VMP1: variants seen among roughly 807,000 people sequenced by gnomAD.
VMP1 encodes the protein vacuole membrane protein 1, also known as ectopic P-granules autophagy protein 3 homolog.
In VMP1, 11 loss-of-function variants were observed where a neutral mutation model predicts 56.0. That is an observed-to-expected ratio of 0.20 (90% CI 0.12 to 0.32). The LOEUF (loss-of-function observed/expected upper bound fraction) is 0.32, where lower values mean the gene tolerates loss of function less well. VMP1 is among the 10% of genes least tolerant of loss of function. VMP1 has a pLI of 1.00. For missense variants in VMP1, 296 were observed against 490.3 expected (o/e 0.60, Z 3.74); for synonymous variants, 149 against 165.0 (o/e 0.90, Z 0.74).
At chr17:59,795,935 C>A (rs1327356936) in intron 7 of VMP1, among the ~76,000 whole-genome samples, 2 of 152,028 alleles carry the variant, frequency 1.3e-5, no homozygotes, top group Non-Finnish European at 2.9e-5. Context: ...GAACAAACTG[C>A]GATTCAGAGA....
intron 10 of VMP1, among the ~76,000 whole-genome samples, chr17:59,830,427 C>T (rs1325445806): frequency 6.6e-6 from 1 of 152,076 alleles, no homozygotes; most frequent in Non-Finnish European, 1.5e-5. Context: ...CATTTATAAG[C>T]TTTCAGGGAT....
At chr17:59,832,048 G>A (rs2038824994) in intron 10 of VMP1, among the ~76,000 whole-genome samples, 1 of 151,620 alleles carries the variant, frequency 6.6e-6, no homozygotes, top group African/African-American at 2.4e-5. Context: ...ATGCCTGGTG[G>A]AAAAATTTTT....
At chr17:59,747,297 C>T (rs532381850) in intron 5 of VMP1, among the ~76,000 whole-genome samples, 2 of 152,272 alleles carry the variant, frequency 1.3e-5, no homozygotes, top group East Asian at 3.8e-4. Flanking sequence ...CCAGCTTATG[C>T]CTGTAATCCC....
At chr17:59,821,519 G>T (rs1215577881) in intron 10 of VMP1, among the ~76,000 whole-genome samples, 1 of 149,338 alleles carries the variant, frequency 6.7e-6, no homozygotes, top group Admixed American at 6.8e-5. Context: ...CTGTCTACAG[G>T]GATTACCTCA....
chr17:59,735,998 C>G (rs1466218266), intron 3 of VMP1, among the ~76,000 whole-genome samples: 1 of 152,182 alleles, frequency 6.6e-6, no homozygotes, highest in East Asian at 1.9e-4. Flanking sequence ...CCAAGTTATT[C>G]TCTGTACTAT....
intron 10 of VMP1, among the ~76,000 whole-genome samples, chr17:59,831,781 A>T (rs1284586763): frequency 8.5e-6 from 1 of 117,668 alleles, no homozygotes; most frequent in Admixed American, 1.0e-4. Context: ...TAAAAAAAAA[A>T]ATTTTATTTG....
At chr17:59,724,009 C>A (rs1258841215) in intron 1 of VMP1, among the ~76,000 whole-genome samples, 1 of 151,174 alleles carries the variant, frequency 6.6e-6, no homozygotes, top group Non-Finnish European at 1.5e-5. Flanking sequence ...CCCAGGAGTT[C>A]AAGACCAGCA....
intron 1 of VMP1, among the ~76,000 whole-genome samples, chr17:59,717,255 C>T (rs2034197536): frequency 6.6e-6 from 1 of 152,152 alleles, no homozygotes; most frequent in African/African-American, 2.4e-5. Context: ...CAGGCATGAG[C>T]CACCGCGCTC....
At chr17:59,826,096 G>GGTTTAAAC (rs1235842493) in intron 10 of VMP1, among the ~76,000 whole-genome samples, 1 of 152,122 alleles carries the variant, frequency 6.6e-6, no homozygotes, top group African/African-American at 2.4e-5. Flanking sequence ...CTTAACACAG[G>GGTTTAAAC]GTTTAAACCC....
intron 7 of VMP1, among the ~76,000 whole-genome samples, chr17:59,796,946 C>G (rs1213465590): frequency 6.6e-6 from 1 of 152,054 alleles, no homozygotes; most frequent in Admixed American, 6.6e-5. Context: ...TCTATACTCA[C>G]CAGAAGGATA....
chr17:59,735,683 A>T (rs2034991828), intron 3 of VMP1: 1 of 527,628 alleles, frequency 1.9e-6, no homozygotes, highest in East Asian at 3.2e-5. Flanking sequence ...TGCTTACTGG[A>T]TTATCACAGT....
At chr17:59,747,305 C>A (rs918550595) in intron 5 of VMP1, among the ~76,000 whole-genome samples, 1 of 152,180 alleles carries the variant, frequency 6.6e-6, no homozygotes, top group Non-Finnish European at 1.5e-5. Context: ...TGCCTGTAAT[C>A]CCAGCACATT....
intron 1 of VMP1, among the ~76,000 whole-genome samples, chr17:59,710,871 G>A (rs1286633567): frequency 6.6e-6 from 1 of 152,192 alleles, no homozygotes; most frequent in Non-Finnish European, 1.5e-5. Flanking sequence ...AGGAGTTTGA[G>A]ACTAGCCTGT....
chr17:59,783,760 C>T (rs763697260), intron 7 of VMP1, among the ~76,000 whole-genome samples: 4 of 152,142 alleles, frequency 2.6e-5, no homozygotes, highest in African/African-American at 4.8e-5. Context: ...CTTCTCCCTT[C>T]CCGCTACTGT....
At chr17:59,802,026 C>A (rs922972133) in intron 7 of VMP1, among the ~76,000 whole-genome samples, 1 of 151,972 alleles carries the variant, frequency 6.6e-6, no homozygotes, top group Non-Finnish European at 1.5e-5. Flanking sequence ...CATCGCGAAA[C>A]CCCATCTCTA....
At chr17:59,748,499 C>G (rs188169111) in intron 5 of VMP1, among the ~76,000 whole-genome samples, 2 of 152,216 alleles carry the variant, frequency 1.3e-5, no homozygotes, top group Admixed American at 1.3e-4. Context: ...AATTTCTTAA[C>G]TTTTAAACCT....
intron 10 of VMP1, among the ~76,000 whole-genome samples, chr17:59,835,931 T>G (rs952635358): frequency 6.7e-6 from 1 of 149,598 alleles, no homozygotes; most frequent in Non-Finnish European, 1.5e-5. Flanking sequence ...CATTTATTTC[T>G]AGTCTAAATG....
At chr17:59,782,191 G>A (rs1017812184) in intron 7 of VMP1, among the ~76,000 whole-genome samples, 5 of 152,180 alleles carry the variant, frequency 3.3e-5, no homozygotes, top group African/African-American at 1.2e-4. Context: ...TTACAGGCAT[G>A]AGCCACCGCA....
intron 1 of VMP1, among the ~76,000 whole-genome samples, chr17:59,722,330 A>T (rs571688711): frequency 2.0e-5 from 3 of 152,316 alleles, no homozygotes; most frequent in Admixed American, 6.5e-5. Flanking sequence ...GCCCCAGTAG[A>T]TAGGAGATTT....
Sources: gnomAD v4.1 joint callset for allele counts (sites outside exome capture counted in the v4.1 genomes callset) on GRCh38, gnomAD v4.1.1 for gene constraint, MANE v1.5 for transcripts, NCBI Gene and HGNC (gene_info 2026-07-23, HGNC 2026-07-21) for gene names.